NLRC3: variants seen among roughly 807,000 people sequenced by gnomAD.
NLRC3 encodes the protein NLR family CARD domain-containing protein 3.
NLRC3 carries 87 observed loss-of-function variants against 91.6 expected under a neutral mutation model. The observed-to-expected ratio is 0.95, with a 90% CI of 0.80 to 1.14. The LOEUF (loss-of-function observed/expected upper bound fraction) is 1.14. Ranked by LOEUF, NLRC3 falls within the 50% of genes most tolerant of loss-of-function variation. The pLI, the probability that NLRC3 is intolerant of heterozygous loss-of-function variation, is 0.00. For synonymous variants in NLRC3, 694 were observed against 625.3 expected (o/e 1.11, Z -1.64); for missense variants, 1,577 against 1,418.6 (o/e 1.11, Z -1.79).
At chr16:3,572,156 A>G (rs1007890652) in intron 1 of NLRC3, among the ~76,000 whole-genome samples, 1 of 152,200 alleles carries the variant, frequency 6.6e-6, no homozygotes, top group East Asian at 1.9e-4. Context: ...TCATAGAAGT[A>G]TAAATGACCA....
chr16:3,559,166 C>T (rs1290872358), intron 6 of NLRC3, among the ~76,000 whole-genome samples: 1 of 152,180 alleles, frequency 6.6e-6, no homozygotes, highest in South Asian at 2.1e-4. Flanking sequence ...TCACAGCATT[C>T]GTCCAGGCCA....
At chr16:3,572,858 CA>C (rs1192116903) in intron 1 of NLRC3, among the ~76,000 whole-genome samples, 2 of 151,544 alleles carry the variant, frequency 1.3e-5, no homozygotes, top group African/African-American at 4.9e-5. Flanking sequence ...ACTAAAAATA[CA>C]AAAATTAGCT....
chr16:3,557,266 C>G (rs1399838342), intron 7 of NLRC3, among the ~76,000 whole-genome samples: 1 of 152,180 alleles, frequency 6.6e-6, no homozygotes, highest in Non-Finnish European at 1.5e-5. Flanking sequence ...GCCCCAGATG[C>G]AGGGCAAACA....
In NLRC3 at chr16:3,563,349, C is replaced by A. The variant is rs765685081; in HGVS notation, c.1588G>T (p.Ala530Ser). The change falls in exon 5 of 20, where the codon GCC (alanine) becomes TCC (serine). Residue 530 changes from alanine (A) to serine (S), a missense_variant. Physicochemically the swap from Ala to Ser is moderately conservative, Grantham distance 99 (BLOSUM62 1). Transcript: ENST00000359128. ...TCGCCTTGGGCCAGCAGGGAGCCGG[C>A]CAGGAGGGCATTGACCCTCGGAGAC... ...LLSPRVNALL[A>S]GSLLAQGEHQ... 1.3e-6 allele frequency: 2 copies of A among 1,591,120 alleles called. No individual in the cohort carries two copies. Among genetic ancestry groups the A allele is most frequent in the Admixed American group, 1.8e-5 (1 of 56,906 alleles).
intron 8 of NLRC3, among the ~76,000 whole-genome samples, chr16:3,556,625 C>T (rs1483727634): frequency 1.3e-5 from 2 of 152,158 alleles, no homozygotes; most frequent in African/African-American, 4.8e-5. Flanking sequence ...CTACCTTAGC[C>T]TCCCGAGTTG....
At chr16:3,569,832 T>C (rs959096994) in intron 1 of NLRC3, among the ~76,000 whole-genome samples, 4 of 152,188 alleles carry the variant, frequency 2.6e-5, no homozygotes, top group African/African-American at 4.8e-5. Flanking sequence ...CCCAAACTGT[T>C]AGGTGTGATG....
chr16:3,539,511 G>A lies in NLRC3; in HGVS notation c.*2314C>T, dbSNP rs1166625475. Reference sequence around the variant, plus strand: ...GACTCTTTGTTTTCTCCACCAGTTTGGCTCCTGAGGTTTCTTCAGCGTTAG... The same window carrying A: ...GACTCTTTGTTTTCTCCACCAGTTTAGCTCCTGAGGTTTCTTCAGCGTTAG... On this transcript the variant is annotated 3_prime_UTR_variant, in exon 20 of 20. Transcript: ENST00000359128. 1 of 152,188 alleles carries A rather than the reference G, an allele frequency of 6.6e-6. No homozygotes were observed. Among genetic ancestry groups the A allele is most frequent in the African/African-American group, 2.4e-5 (1 of 41,428 alleles). The allele number at this position is 152,188 out of a possible 1,614,324, so 9.4% of individuals were successfully genotyped here. A position where few individuals can be genotyped will look rare whatever the true frequency, so the allele number is the denominator to read the frequency against.
intron 2 of NLRC3, among the ~76,000 whole-genome samples, chr16:3,566,747 C>T (rs1247647695): frequency 1.3e-5 from 2 of 151,268 alleles, no homozygotes; most frequent in Non-Finnish European, 2.9e-5. Flanking sequence ...AAAAATTAGC[C>T]AGGCGTGGTG....
At chr16:3,565,530 G>A (rs576291104) in intron 2 of NLRC3, 150 bp from the exon 3 acceptor site, 10 of 335,664 alleles carry the variant, frequency 3.0e-5, no homozygotes, top group South Asian at 2.3e-4. Context: ...ACGCTACACT[G>A]TGTGATTCTG....
intron 1 of NLRC3, among the ~76,000 whole-genome samples, chr16:3,569,371 CATATATAT>C (rs139927647): frequency 3.0e-4 from 21 of 70,430 alleles, no homozygotes; most frequent in Middle Eastern, 0.016. Flanking sequence ...TTCTGAAAAC[CATATATAT>C]ATATATATAT....
At chr16:3,547,277 G>C (rs2038738996) in intron 15 of NLRC3, among the ~76,000 whole-genome samples, 1 of 152,250 alleles carries the variant, frequency 6.6e-6, no homozygotes, top group African/African-American at 2.4e-5. Context: ...GACACCAAAT[G>C]AAAGACACCA....
intron 15 of NLRC3, among the ~76,000 whole-genome samples, chr16:3,547,656 G>GTA (rs895559319): frequency 2.6e-5 from 4 of 151,936 alleles, no homozygotes; most frequent in Non-Finnish European, 4.4e-5. Flanking sequence ...GTGTGTGTAT[G>GTA]TATATATATG....
chr16:3,573,134 G>A (rs1341381322), intron 1 of NLRC3, among the ~76,000 whole-genome samples: 3 of 151,520 alleles, frequency 2.0e-5, no homozygotes, highest in Non-Finnish European at 2.9e-5. Flanking sequence ...AGGAGGGATG[G>A]AGGCTGGGCA....
rs779554988 is a variant in NLRC3, at chr16:3,563,205, C to G, written c.1732G>C (p.Glu578Gln). Residue 578 changes from glutamate (E) to glutamine (Q), a missense_variant, in exon 5 of 20, where the codon GAG (glutamate) becomes CAG (glutamine). Glu to Gln is a conservative substitution (Grantham distance 29, BLOSUM62 2). Coordinates refer to ENST00000359128, the MANE Select transcript of NLRC3 (RefSeq NM_178844.4). ...LHCLHELQHT[E>Q]LARSVEEAME... The stretch of plus-strand genomic sequence containing the variant: ...GCCTCCTCCACGCTGCGGGCCAGCT[C>G]GGTGTGCTGCAGCTCATGCAGGCAG... 14 of 1,597,796 alleles carry G rather than the reference C, an allele frequency of 8.8e-6. No homozygotes were observed. Among genetic ancestry groups the G allele is most frequent in the Non-Finnish European group, 1.1e-5 (13 of 1,174,782 alleles).
rs377458467 is a variant in NLRC3, at chr16:3,563,166, C to T, written c.1771G>A (p.Ala591Thr). The T allele has an allele frequency of 1.9e-6, 3 of 1,590,942 alleles. No individual in the cohort carries two copies. Among genetic ancestry groups the T allele is most frequent in the African/African-American group, 1.3e-5 (1 of 74,584 alleles). The change falls in exon 5 of 20, where the codon GCC (alanine) becomes ACC (threonine). Residue 591 changes from alanine to threonine, a missense_variant. Coordinates refer to ENST00000359128, the MANE Select transcript of NLRC3 (RefSeq NM_178844.4). ...GCGGGACCAGTCAGCCTGGCCAGGG[C>T]CCCGCTCTCCATGGCCTCCTCCACG... Reference protein sequence around the residue: ...RSVEEAMESGALARLTGPAHR... With the variant: ...RSVEEAMESGTLARLTGPAHR...
chr16:3,571,579 G>C (rs1034965104), intron 1 of NLRC3, among the ~76,000 whole-genome samples: 1 of 149,922 alleles, frequency 6.7e-6, no homozygotes, highest in African/African-American at 2.4e-5. Context: ...TCATGAAGAG[G>C]GAGACTAGTA....
chr16:3,563,644 C>G lies in NLRC3; in HGVS notation c.1293G>C (p.Gln431His), dbSNP rs770842148. The G allele has an allele frequency of 1.2e-6, 2 of 1,611,390 alleles. No individual in the cohort carries two copies. Among genetic ancestry groups the G allele is most frequent in the South Asian group, 2.2e-5 (2 of 90,924 alleles). ...GCAGGAAGCAGCTGCACGGGGCGCCCTGCAGCAGAGCGAGGTCTACACCAA... is the reference window on the plus strand; with the variant it reads ...GCAGGAAGCAGCTGCACGGGGCGCCGTGCAGCAGAGCGAGGTCTACACCAA... The part of the protein sequence containing the change: ...KAFGVDLALL[Q>H]GAPCSCFLQR... Residue 431 changes from glutamine to histidine, a missense_variant, in exon 5 of 20, where the codon CAG (glutamine) becomes CAC (histidine). Gln to His is a conservative substitution (Grantham distance 24). Transcript: ENST00000359128.
At chr16:3,554,805 G>A (rs988453026) in intron 8 of NLRC3, among the ~76,000 whole-genome samples, 7 of 152,124 alleles carry the variant, frequency 4.6e-5, no homozygotes, top group Admixed American at 1.3e-4. Context: ...ACTGGAAGTC[G>A]TATTCACCAA....
chr16:3,543,674 C>T (rs1246162095), intron 16 of NLRC3, 166 bp from the exon 17 acceptor site: 16 of 611,976 alleles, frequency 2.6e-5, no homozygotes, highest in Middle Eastern at 8.6e-4. Context: ...CCTACACTGT[C>T]TGTTGCCTAA....
Sources: allele counts gnomAD v4.1 joint callset (sites outside exome capture counted in the v4.1 genomes callset), GRCh38; gene constraint gnomAD v4.1.1; transcripts MANE v1.5; gene names NCBI Gene and HGNC (gene_info 2026-07-23, HGNC 2026-07-21).